Variants in CSMD1 observed in about 807,000 individuals in gnomAD.
The protein encoded by CSMD1 is CUB and sushi domain-containing protein 1.
A neutral mutation model predicts 417.5 loss-of-function variants in CSMD1; 213 were observed. That is an observed-to-expected ratio of 0.51 (90% CI 0.46 to 0.57). CSMD1 has a LOEUF of 0.57. Among genes scored for constraint, CSMD1 ranks in the 20% least tolerant of loss-of-function variants. CSMD1 has a pLI of 0.00. For missense variants in CSMD1, 6,923 were observed against 4,529.7 expected (o/e 1.53, Z -15.17); for synonymous variants, 2,862 against 1,736.8 (o/e 1.65, Z -16.11).
At chr8:3,888,405 C>A (rs577925277) in intron 5 of CSMD1, among the ~76,000 whole-genome samples, 2 of 152,142 alleles carry the variant, frequency 1.3e-5, no homozygotes, top group South Asian at 2.1e-4. Flanking sequence ...TCATTCTATA[C>A]GGAAACCTTT....
At chr8:3,791,695 T>C (rs1362541045) in intron 5 of CSMD1, among the ~76,000 whole-genome samples, 1 of 151,970 alleles carries the variant, frequency 6.6e-6, no homozygotes, top group Non-Finnish European at 1.5e-5. Context: ...CGATGGTGGG[T>C]ACCTGTAATC....
chr8:3,401,159 T>A (rs1812016689), intron 15 of CSMD1, among the ~76,000 whole-genome samples: 1 of 152,050 alleles, frequency 6.6e-6, no homozygotes, highest in African/African-American at 2.4e-5. Flanking sequence ...TTGTCATGTT[T>A]AACCATCCAA....
At chr8:4,852,991 C>G (rs184438218) in intron 1 of CSMD1, among the ~76,000 whole-genome samples, 2 of 152,272 alleles carry the variant, frequency 1.3e-5, no homozygotes, top group Admixed American at 6.5e-5. Flanking sequence ...TTATAACAGT[C>G]TACACTCAGA....
intron 2 of CSMD1, among the ~76,000 whole-genome samples, chr8:4,535,400 G>C (rs1055489183): frequency 6.6e-6 from 1 of 152,030 alleles, no homozygotes; most frequent in East Asian, 1.9e-4. Context: ...CGTCTTCCAA[G>C]GATGAACAAT....
intron 5 of CSMD1, among the ~76,000 whole-genome samples, chr8:3,888,555 A>T (rs1246860051): frequency 6.6e-6 from 1 of 152,236 alleles, no homozygotes; most frequent in Non-Finnish European, 1.5e-5. Context: ...TCTTGTATCA[A>T]GTACCAGCTG....
chr8:4,811,819 A>G (rs1269651445), intron 1 of CSMD1, among the ~76,000 whole-genome samples: 4 of 152,160 alleles, frequency 2.6e-5, no homozygotes, highest in Non-Finnish European at 5.9e-5. Context: ...AGACATAGGA[A>G]AAGATGTGAT....
At chr8:3,356,484 G>C (rs1808800562) in intron 21 of CSMD1, among the ~76,000 whole-genome samples, 1 of 152,132 alleles carries the variant, frequency 6.6e-6, no homozygotes, top group African/African-American at 2.4e-5. Context: ...AGACCAGCCT[G>C]GTCAACATGG....
At chr8:3,633,466 A>G (rs1325627026) in intron 7 of CSMD1, among the ~76,000 whole-genome samples, 1 of 152,228 alleles carries the variant, frequency 6.6e-6, no homozygotes, top group East Asian at 1.9e-4. Context: ...ACATATGTAT[A>G]ATACAAGTCT....
chr8:4,461,048 A>C (rs1799784305), intron 2 of CSMD1, among the ~76,000 whole-genome samples: 1 of 152,162 alleles, frequency 6.6e-6, no homozygotes, highest in South Asian at 2.1e-4. Flanking sequence ...ACAACATATA[A>C]AGCATTATAT....
intron 3 of CSMD1, among the ~76,000 whole-genome samples, chr8:4,293,198 G>A (rs777029763): frequency 2.0e-5 from 3 of 152,132 alleles, no homozygotes; most frequent in Non-Finnish European, 4.4e-5. Flanking sequence ...ACAGAGAGAG[G>A]AAGAGAGCCC....
intron 5 of CSMD1, among the ~76,000 whole-genome samples, chr8:3,800,000 T>A (rs1800370394): frequency 6.6e-6 from 1 of 152,202 alleles, no homozygotes; most frequent in African/African-American, 2.4e-5. Context: ...CCACTATTTG[T>A]GTAACCTTGT....
At chr8:4,439,578 T>C (rs1798344208) in intron 2 of CSMD1, among the ~76,000 whole-genome samples, 1 of 151,356 alleles carries the variant, frequency 6.6e-6, no homozygotes, top group South Asian at 2.1e-4. Flanking sequence ...AAAATACATA[T>C]TTCTTTATTA....
At chr8:4,326,334 G>A (rs761104353) in intron 3 of CSMD1, among the ~76,000 whole-genome samples, 1 of 152,132 alleles carries the variant, frequency 6.6e-6, no homozygotes, top group Non-Finnish European at 1.5e-5. Flanking sequence ...CAGGGCTTGC[G>A]ATTTCAGACA....
chr8:4,711,446 C>A (rs1808291096), intron 1 of CSMD1, among the ~76,000 whole-genome samples: 2 of 151,648 alleles, frequency 1.3e-5, no homozygotes, highest in Admixed American at 6.6e-5. Context: ...CATTTTCAAA[C>A]AAAGGTGTGA....
chr8:4,254,284 T>A (rs1465139608), intron 3 of CSMD1, among the ~76,000 whole-genome samples: 1 of 152,060 alleles, frequency 6.6e-6, no homozygotes, highest in African/African-American at 2.4e-5. Flanking sequence ...GCCAGTTACT[T>A]CCCTAAAAAC....
chr8:2,998,042 G>T lies in CSMD1; in HGVS notation c.8346C>A (p.Gly2782=). ...ACGTGGGCAGAGGGCTACTCCACTG[G>T]CCGTTGCTCCGACACTGGGCTCGAG... The part of the protein sequence containing the change: ...GVSRAQCRSN[G]QWSSPLPTCR... The change falls in exon 54 of 70, where the codon GGC becomes GGA. Residue 2782 remains glycine, a synonymous_variant. Transcript: ENST00000635120. 2 of 1,613,920 alleles carry T rather than the reference G, an allele frequency of 1.2e-6. No individual in the cohort carries two copies. Among genetic ancestry groups the T allele is most frequent in the Non-Finnish European group, 1.7e-6 (2 of 1,179,832 alleles).
At chr8:3,129,421 A>G (rs879733751) in intron 41 of CSMD1, among the ~76,000 whole-genome samples, 3 of 152,158 alleles carry the variant, frequency 2.0e-5, no homozygotes, top group Non-Finnish European at 4.4e-5. Context: ...AGCTTTTGGA[A>G]CTACATAGAC....
At chr8:3,209,050 G>C (rs141858355) in intron 30 of CSMD1, among the ~76,000 whole-genome samples, 1 of 152,214 alleles carries the variant, frequency 6.6e-6, no homozygotes, top group African/African-American at 2.4e-5. Flanking sequence ...CTTTGTGCAA[G>C]CATAGAATAA....
intron 1 of CSMD1, among the ~76,000 whole-genome samples, chr8:4,864,895 CAA>C (rs1491501833): frequency 2.0e-5 from 3 of 147,890 alleles, no homozygotes; most frequent in Admixed American, 6.7e-5. Context: ...CACACACACA[CAA>C]ACACACACAC....
Sources: allele counts gnomAD v4.1 joint callset (sites outside exome capture counted in the v4.1 genomes callset), GRCh38; gene constraint gnomAD v4.1.1; transcripts MANE v1.5; gene names NCBI Gene and HGNC (gene_info 2026-07-23, HGNC 2026-07-21).